Variants in MDH2 observed in about 807,000 individuals in gnomAD.
MDH2 encodes malate dehydrogenase 2.
MDH2 carries 25 observed loss-of-function variants against 33.6 expected under a neutral mutation model. That is an observed-to-expected ratio of 0.74 (90% CI 0.54 to 1.04). The LOEUF is 1.04. Ranked by LOEUF, MDH2 falls within the 50% of genes least tolerant of loss-of-function variation. The probability of loss-of-function intolerance (pLI) is 0.00; values close to 1 mark genes in which losing one functional copy is unlikely to be tolerated. For synonymous variants in MDH2, 193 were observed against 188.7 expected, an observed-to-expected ratio of 1.02 and a Z score of -0.19; for missense variants, 432 against 445.0, an observed-to-expected ratio of 0.97 and a Z score of 0.26.
At chr7:76,048,649 T>C in intron 1 of MDH2, 2 of 1,266,448 alleles carry the variant, frequency 1.6e-6, no homozygotes, top group Non-Finnish European at 2.0e-6. Flanking sequence ...AGAAATCGTA[T>C]ACTTCCTAAT....
At chr7:76,049,715 C>T (rs782252453) in intron 1 of MDH2, among the ~76,000 whole-genome samples, 5 of 152,022 alleles carry the variant, frequency 3.3e-5, no homozygotes, top group Non-Finnish European at 5.9e-5. Context: ...CCTGCTCTCA[C>T]GGAAATTACT....
intron 1 of MDH2, among the ~76,000 whole-genome samples, chr7:76,052,294 A>G (rs1381047508): frequency 6.6e-6 from 1 of 152,074 alleles, no homozygotes; most frequent in Non-Finnish European, 1.5e-5. Flanking sequence ...CATTTCTACA[A>G]AATGAGTGGT....
At chr7:76,051,404 C>T (rs1296849946) in intron 1 of MDH2, among the ~76,000 whole-genome samples, 2 of 151,488 alleles carry the variant, frequency 1.3e-5, no homozygotes, top group Admixed American at 1.3e-4. Context: ...TCACCGCAAC[C>T]TCCGCCTCCC....
chr7:76,066,698 G>T lies in MDH2; in HGVS notation c.*288G>T. ...AATCAGAATTAGATGATGTTTAACTGTTAGACTGAAGCGTGACGCTTTCAT... is the reference window on the plus strand; with the variant it reads ...AATCAGAATTAGATGATGTTTAACTTTTAGACTGAAGCGTGACGCTTTCAT... On this transcript the variant is annotated 3_prime_UTR_variant, in exon 9 of 9. Transcript: ENST00000315758. The T allele has an allele frequency of 4.0e-6, 1 of 252,534 alleles. No individual in the cohort carries two copies. Among genetic ancestry groups the T allele is most frequent in the Non-Finnish European group, 7.6e-6 (1 of 131,940 alleles). 15.6% of individuals were successfully genotyped at this position (252,534 alleles called of 1,614,324 possible).
chr7:76,064,698 A>G, intron 7 of MDH2, 104 bp from the exon 8 acceptor site: 11 of 1,306,384 alleles, frequency 8.4e-6, no homozygotes, highest in Non-Finnish European at 1.1e-5. Context: ...GAAATTCTCC[A>G]CTGTCAGGCT....
chr7:76,063,691 C>T lies in MDH2; in HGVS notation c.633+99C>T, dbSNP rs1637039. On this transcript the variant is annotated intron_variant, in intron 6 of 8. Coordinates refer to ENST00000315758, the MANE Select transcript of MDH2 (RefSeq NM_005918.4). Reference sequence around the variant, plus strand: ...CGGTAGACTGGAGAAGGCCTGGCCACGTGCCAGGTTTTGGAAGGGCTCCTG... The same window carrying T: ...CGGTAGACTGGAGAAGGCCTGGCCATGTGCCAGGTTTTGGAAGGGCTCCTG... 434,615 of 1,230,148 alleles carry T rather than the reference C, an allele frequency of 0.35. 86,444 individuals carry two copies. The highest frequency in any genetic ancestry group is 0.72 in the African/African-American group (48,317 of 66,700). 76.2% of individuals were successfully genotyped at this position (1,230,148 alleles called of 1,614,324 possible).
chr7:76,063,715 T>A, intron 6 of MDH2, 123 bp downstream of exon 6: 2 of 920,134 alleles, frequency 2.2e-6, no homozygotes, highest in Non-Finnish European at 3.5e-6. Context: ...GAAGGGCTCC[T>A]GTTGTAGGCA....
intron 6 of MDH2, 46 bp downstream of exon 6, chr7:76,063,638 T>G: frequency 6.4e-7 from 1 of 1,574,674 alleles, no homozygotes; most frequent in East Asian, 2.2e-5. Context: ...CAGGATTCCC[T>G]TTACCAGGCC....
chr7:76,066,526 T>A lies in MDH2; in HGVS notation c.*116T>A. On this transcript the variant is annotated 3_prime_UTR_variant, in exon 9 of 9. Transcript: ENST00000315758. Reference sequence around the variant, plus strand: ...TTTGGTGATGATTACTGTATTGACATCATCATGCCTTCCAAATTGTGGGTG... The same window carrying A: ...TTTGGTGATGATTACTGTATTGACAACATCATGCCTTCCAAATTGTGGGTG... 7.8e-7 allele frequency: 1 copy of A among 1,275,242 alleles called. No individual in the cohort carries two copies. The highest frequency in any genetic ancestry group is 1.0e-6 in the Non-Finnish European group (1 of 971,730). 79.0% of individuals were successfully genotyped at this position (1,275,242 alleles called of 1,614,324 possible). A position where few individuals can be genotyped will look rare whatever the true frequency, so the allele number is the denominator to read the frequency against.
At chr7:76,061,347 C>G (rs1301158474) in intron 5 of MDH2, among the ~76,000 whole-genome samples, 1 of 152,166 alleles carries the variant, frequency 6.6e-6, no homozygotes, top group Non-Finnish European at 1.5e-5. Context: ...AGATGCCCCA[C>G]TGTAACAGAC....
intron 1 of MDH2, 51 bp from the exon 2 acceptor site, chr7:76,054,779 C>T: frequency 6.2e-7 from 1 of 1,608,912 alleles, no homozygotes; most frequent in Non-Finnish European, 8.5e-7. Context: ...CATGTGAATC[C>T]TTTTCATGCT....
At chr7:76,058,259 C>T in intron 4 of MDH2, 181 bp downstream of exon 4, 1 of 593,258 alleles carries the variant, frequency 1.7e-6, no homozygotes, top group South Asian at 2.0e-5. Context: ...CCGTGCACTT[C>T]CTAAGGACTC....
intron 5 of MDH2, among the ~76,000 whole-genome samples, chr7:76,061,103 G>T (rs1349254780): frequency 2.0e-5 from 3 of 152,146 alleles, no homozygotes; most frequent in African/African-American, 4.8e-5. Flanking sequence ...TGGTGCCAGT[G>T]CCGGGCCTGG....
At chr7:76,048,654 C>G (rs1318979242) in intron 1 of MDH2, 1 of 1,263,686 alleles carries the variant, frequency 7.9e-7, no homozygotes, top group Non-Finnish European at 9.9e-7. Context: ...TCGTATACTT[C>G]CTAATTCCAT....
chr7:76,058,306 G>T, intron 4 of MDH2: 1 of 531,482 alleles, frequency 1.9e-6, no homozygotes, highest in African/African-American at 1.9e-5. Context: ...GTCACAGCCA[G>T]CCTTGTGCTG....
At chr7:76,055,175 CAG>C (rs879967085) in intron 2 of MDH2, among the ~76,000 whole-genome samples, 177 bp downstream of exon 2, 2 of 152,160 alleles carry the variant, frequency 1.3e-5, no homozygotes, top group African/African-American at 2.4e-5. Context: ...AAAATTGAAA[CAG>C]CGGTGTCTTT....
chr7:76,065,058 C>G, intron 8 of MDH2, 105 bp downstream of exon 8: 2 of 1,361,602 alleles, frequency 1.5e-6, no homozygotes, highest in Non-Finnish European at 1.0e-6. Flanking sequence ...AGCTCATGTG[C>G]CTGCCTGGCG....
At chr7:76,054,717 C>T (rs1797718713) in intron 1 of MDH2, 113 bp from the exon 2 acceptor site, 1 of 1,188,474 alleles carries the variant, frequency 8.4e-7, no homozygotes, top group Admixed American at 2.0e-5. Flanking sequence ...ATGATTGTAT[C>T]TTGCTTTGGC....
In MDH2 at chr7:76,066,983, C is replaced by T. The variant is rs1054613403; in HGVS notation, c.*573C>T. The T allele has an allele frequency of 2.0e-5, 3 of 152,220 alleles. No individual in the cohort carries two copies. The highest frequency in any genetic ancestry group is 2.9e-5 in the Non-Finnish European group (2 of 68,082). The allele number at this position is 152,220 out of a possible 1,614,324, so 9.4% of individuals were successfully genotyped here. ...CCCCCTTGGGATTTCATCTTCTGAC[C>T]GAACCCTGATGTTCAGTGGCAGAGA... On this transcript the variant is annotated 3_prime_UTR_variant, in exon 9 of 9. Coordinates refer to ENST00000315758, the MANE Select transcript of MDH2 (RefSeq NM_005918.4).
Sources: gnomAD v4.1 joint callset for allele counts (sites outside exome capture counted in the v4.1 genomes callset) on GRCh38, gnomAD v4.1.1 for gene constraint, MANE v1.5 for transcripts, NCBI Gene and HGNC (gene_info 2026-07-23, HGNC 2026-07-21) for gene names.